The following PLPPR5 variants were observed in gnomAD, a reference collection of about 807,000 sequenced individuals.
PLPPR5 encodes phospholipid phosphatase-related protein type 5.
A neutral mutation model predicts 33.9 loss-of-function variants in PLPPR5; 16 were observed. The ratio of observed to expected loss-of-function variants is 0.47; its 90% CI spans 0.32 to 0.72. The LOEUF is 0.72. PLPPR5 is among the 30% of genes least tolerant of loss of function. The pLI is 0.03. For synonymous variants in PLPPR5, 163 were observed against 150.3 expected (o/e 1.08, Z -0.62); for missense variants, 301 against 406.7 (o/e 0.74, Z 2.23).
intron 1 of PLPPR5, among the ~76,000 whole-genome samples, chr1:98,988,659 T>A (rs1313466884): frequency 6.6e-6 from 1 of 152,096 alleles, no homozygotes; most frequent in Admixed American, 6.6e-5. Flanking sequence ...CCCAATACCA[T>A]AACCACAGAT....
chr1:98,943,784 C>T (rs1017089078), intron 3 of PLPPR5, among the ~76,000 whole-genome samples: 4 of 152,288 alleles, frequency 2.6e-5, no homozygotes, highest in African/African-American at 9.6e-5. Flanking sequence ...CCATGTAATT[C>T]ACAAGACTGT....
intron 1 of PLPPR5, among the ~76,000 whole-genome samples, chr1:98,960,872 G>A (rs907234796): frequency 3.3e-5 from 5 of 152,158 alleles, no homozygotes; most frequent in Middle Eastern, 3.2e-3. Flanking sequence ...CCATGCTGAG[G>A]CCACACTTCT....
chr1:98,939,331 AT>A (rs1650292710), intron 3 of PLPPR5, among the ~76,000 whole-genome samples: 1 of 148,086 alleles, frequency 6.8e-6, no homozygotes, highest in Non-Finnish European at 1.5e-5. Context: ...TGTGTCAAAT[AT>A]GCTAGGTGCA....
chr1:98,896,332 G>C (rs1648471483), intron 5 of PLPPR5, among the ~76,000 whole-genome samples: 2 of 152,104 alleles, frequency 1.3e-5, no homozygotes, highest in African/African-American at 4.8e-5. Context: ...AGGCAAAGTA[G>C]TTGACCAAGT....
intron 5 of PLPPR5, among the ~76,000 whole-genome samples, chr1:98,908,736 C>T (rs1187604456): frequency 1.3e-5 from 2 of 152,126 alleles, no homozygotes; most frequent in Admixed American, 1.3e-4. Flanking sequence ...ATGGGGATGG[C>T]TGCAGGTGCC....
intron 4 of PLPPR5, among the ~76,000 whole-genome samples, chr1:98,920,593 C>CAAAAGAAAAAAAAAAAAAAAAAAAAAA (rs1649512121): frequency 1.4e-5 from 1 of 69,014 alleles, no homozygotes; most frequent in Non-Finnish European, 3.0e-5. Context: ...GTGGTATCAC[C>CAAAAGAAAAAAAAAAAAAAAAAAAAAA]AAAAAAAAAA....
intron 3 of PLPPR5, among the ~76,000 whole-genome samples, chr1:98,938,415 C>A (rs309055): frequency 1.4e-5 from 2 of 143,596 alleles, no homozygotes; most frequent in Non-Finnish European, 3.0e-5. Context: ...AGGGCAAGAT[C>A]GTCTCAAAAA....
chr1:98,995,557 T>G, intron 1 of PLPPR5, among the ~76,000 whole-genome samples: 1 of 152,112 alleles, frequency 6.6e-6, no homozygotes, highest in East Asian at 1.9e-4. Context: ...AGGACTCTAG[T>G]AAGGCCTGCA....
intron 3 of PLPPR5, among the ~76,000 whole-genome samples, chr1:98,938,175 T>C (rs1359310900): frequency 6.6e-6 from 1 of 152,046 alleles, no homozygotes; most frequent in Non-Finnish European, 1.5e-5. Context: ...AAAAAAGACA[T>C]GATAGCATAG....
chr1:98,984,540 T>C (rs561252303), intron 1 of PLPPR5, among the ~76,000 whole-genome samples: 3 of 152,204 alleles, frequency 2.0e-5, no homozygotes, highest in East Asian at 3.9e-4. Context: ...GCATCTAAAA[T>C]TGAGGACTCT....
rs530574656 is a variant in PLPPR5 at position 98,971,449 on chromosome 1, C to T, written c.238-14708G>A. The stretch of plus-strand genomic sequence containing the variant: ...CTATCTCTTTCACATATAACTTACT[C>T]AGTTTTTATCTGATTTCCCCTCCCT... On this transcript the variant is annotated intron_variant, in intron 1 of 5. Transcript: ENST00000263177. Among the ~76,000 whole-genome samples the T allele has an allele frequency of 1.8e-4, 28 of 152,008 alleles. No homozygotes were observed. In the South Asian group the frequency reaches 5.6e-3, roughly 30 times the overall value.
intron 1 of PLPPR5, among the ~76,000 whole-genome samples, chr1:98,994,365 G>T (rs926600737): frequency 3.9e-5 from 6 of 151,920 alleles, no homozygotes; most frequent in Admixed American, 3.3e-4. Flanking sequence ...ATATTTCCAT[G>T]CCATGCCAAA....
At chr1:98,979,243 T>C (rs1297977666) in intron 1 of PLPPR5, among the ~76,000 whole-genome samples, 1 of 152,056 alleles carries the variant, frequency 6.6e-6, no homozygotes, top group Non-Finnish European at 1.5e-5. Context: ...GCAGTTTTCT[T>C]GTTCTTTACT....
chr1:98,894,465 T>C (rs1175707056), intron 5 of PLPPR5, among the ~76,000 whole-genome samples: 4 of 152,054 alleles, frequency 2.6e-5, no homozygotes, highest in Admixed American at 2.6e-4. Context: ...ACCAGTGAAC[T>C]GAGAAAATGC....
At chr1:98,896,061 G>GATTTTCCCTGAAGC (rs1553165478) in intron 5 of PLPPR5, among the ~76,000 whole-genome samples, 1 of 151,688 alleles carries the variant, frequency 6.6e-6, no homozygotes, top group Non-Finnish European at 1.5e-5. Flanking sequence ...GCACAGGGGT[G>GATTTTCCCTGAAGC]ATTTTCCCTG....
At chr1:98,913,825 C>T (rs1420507029) in intron 5 of PLPPR5, among the ~76,000 whole-genome samples, 1 of 152,196 alleles carries the variant, frequency 6.6e-6, no homozygotes, top group East Asian at 1.9e-4. Context: ...CACATAACTG[C>T]ACCAGCATTT....
intron 4 of PLPPR5, among the ~76,000 whole-genome samples, chr1:98,920,501 G>A (rs1482643501): frequency 7.0e-6 from 1 of 142,316 alleles, no homozygotes; most frequent in African/African-American, 2.6e-5. Context: ...CAGGGCCCCA[G>A]TTCTCACGAG....
chr1:98,978,244 G>A (rs182297523), intron 1 of PLPPR5, among the ~76,000 whole-genome samples: 8 of 152,154 alleles, frequency 5.3e-5, no homozygotes, highest in Admixed American at 3.3e-4. Context: ...AAGGAAGACA[G>A]GGAGGGAGGG....
chr1:98,959,592 T>C (rs942422526), intron 1 of PLPPR5, among the ~76,000 whole-genome samples: 4 of 152,194 alleles, frequency 2.6e-5, no homozygotes, highest in African/African-American at 9.7e-5. Context: ...CTGTCTTTCA[T>C]CTCAGTTTCT....
Sources: gnomAD v4.1 joint callset for allele counts (sites outside exome capture counted in the v4.1 genomes callset) on GRCh38, gnomAD v4.1.1 for gene constraint, MANE v1.5 for transcripts, NCBI Gene and HGNC (gene_info 2026-07-23, HGNC 2026-07-21) for gene names.